YPEL2: variants seen among roughly 807,000 people sequenced by gnomAD.
YPEL2 encodes yippee like 2, also known as protein yippee-like 2.
YPEL2 carries 2 observed loss-of-function variants against 19.1 expected under a neutral mutation model. The observed-to-expected ratio is 0.10, with a 90% CI of 0.04 to 0.33. The LOEUF (loss-of-function observed/expected upper bound fraction) is 0.33. Ranked by LOEUF, YPEL2 falls within the 10% of genes least tolerant of loss-of-function variation. YPEL2 has a pLI of 1.00. For synonymous variants in YPEL2, 52 were observed against 50.0 expected (o/e 1.04, Z -0.17); for missense variants, 66 against 140.7 (o/e 0.47, Z 2.68).
chr17:59,350,591 T>C (rs2047782882), intron 1 of YPEL2, among the ~76,000 whole-genome samples: 1 of 152,240 alleles, frequency 6.6e-6, no homozygotes, highest in South Asian at 2.1e-4. Flanking sequence ...TGCATGTGTG[T>C]GTTTGTATGT....
intron 4 of YPEL2, among the ~76,000 whole-genome samples, chr17:59,391,551 G>A (rs1332722347): frequency 1.3e-5 from 2 of 151,968 alleles, no homozygotes; most frequent in Non-Finnish European, 2.9e-5. Context: ...GAGCCTGGTA[G>A]CACTGCCTTT....
At chr17:59,379,682 C>T (rs552819266) in intron 2 of YPEL2, among the ~76,000 whole-genome samples, 3 of 152,186 alleles carry the variant, frequency 2.0e-5, no homozygotes, top group Admixed American at 6.5e-5. Flanking sequence ...GTGATAGTTG[C>T]GTGACCTTGT....
intron 1 of YPEL2, among the ~76,000 whole-genome samples, chr17:59,332,099 G>A (rs184548535): frequency 6.6e-6 from 1 of 152,068 alleles, no homozygotes; most frequent in Non-Finnish European, 1.5e-5. Context: ...CGGCCGGGGC[G>A]GGAGACGCGC....
intron 1 of YPEL2, among the ~76,000 whole-genome samples, chr17:59,334,450 TC>T (rs2047688891): frequency 6.6e-6 from 1 of 151,710 alleles, no homozygotes. Flanking sequence ...AGGCACAAGT[TC>T]CCATACCTCC....
chr17:59,398,425 G>A lies in YPEL2; in HGVS notation c.*1235G>A, dbSNP rs1339656707. On this transcript the variant is annotated 3_prime_UTR_variant, in exon 5 of 5. Coordinates refer to ENST00000312655, the MANE Select transcript of YPEL2 (RefSeq NM_001005404.4). ...TGGTAGATTCCTCATGCCCCTAATT[G>A]TCCCACTTAGGCCTGAATGTCTTGC... 3 of 152,104 alleles carry A rather than the reference G, an allele frequency of 2.0e-5. No homozygotes were observed. The highest frequency in any genetic ancestry group is 4.4e-5 in the Non-Finnish European group (3 of 68,034). 9.4% of individuals were successfully genotyped at this position (152,104 alleles called of 1,614,324 possible).
chr17:59,351,202 C>CT (rs2047785790), intron 1 of YPEL2, among the ~76,000 whole-genome samples: 1 of 152,200 alleles, frequency 6.6e-6, no homozygotes, highest in Non-Finnish European at 1.5e-5. Flanking sequence ...TGGTGAAACC[C>CT]TGTCTCTACT....
intron 1 of YPEL2, among the ~76,000 whole-genome samples, chr17:59,339,927 G>T (rs762328236): frequency 3.9e-5 from 6 of 152,100 alleles, no homozygotes; most frequent in Non-Finnish European, 8.8e-5. Context: ...CTCCCAAACT[G>T]CCCCCACTTC....
chr17:59,383,467 G>A (rs1465761147), intron 2 of YPEL2, among the ~76,000 whole-genome samples: 2 of 148,534 alleles, frequency 1.3e-5, no homozygotes, highest in Non-Finnish European at 3.0e-5. Flanking sequence ...GCGTGGTGGT[G>A]GGTGCCTGTA....
At chr17:59,336,735 A>G (rs917001588) in intron 1 of YPEL2, among the ~76,000 whole-genome samples, 3 of 152,106 alleles carry the variant, frequency 2.0e-5, no homozygotes, top group African/African-American at 7.2e-5. Flanking sequence ...TCCATTCTCA[A>G]TCCATTGATT....
At position 59,388,205 on chromosome 17, in the gene YPEL2, C is replaced by T. The variant is rs2047990594; in HGVS notation, c.118-122C>T. 6.4e-6 allele frequency: 6 copies of T among 938,576 alleles called. No homozygotes were observed. In the African/African-American group the frequency reaches 8.1e-5, roughly 13 times the overall value. 58.1% of individuals were successfully genotyped at this position (938,576 alleles called of 1,614,324 possible). ...ATCTGCCAGCGGGACCGTTAACTGG[C>T]TCAGTACTCCCTTTTGCTGTGTCAG... is the stretch of plus-strand genomic sequence containing the variant. On this transcript the variant is annotated intron_variant, in intron 2 of 4. Transcript: ENST00000312655.
At chr17:59,383,369 C>T (rs775817260) in intron 2 of YPEL2, among the ~76,000 whole-genome samples, 3 of 150,554 alleles carry the variant, frequency 2.0e-5, no homozygotes, top group African/African-American at 4.9e-5. Flanking sequence ...GAGGCCAAGG[C>T]GGGTGGATCA....
At chr17:59,372,767 C>G (rs945049863) in intron 2 of YPEL2, among the ~76,000 whole-genome samples, 4 of 152,250 alleles carry the variant, frequency 2.6e-5, no homozygotes, top group Non-Finnish European at 5.9e-5. Context: ...TGTCCCCATC[C>G]ACTGTTGCCT....
At chr17:59,391,517 T>TA (rs111605663) in intron 4 of YPEL2, among the ~76,000 whole-genome samples, 141 of 147,504 alleles carry the variant, frequency 9.6e-4, no homozygotes, top group Admixed American at 3.6e-3. Flanking sequence ...TGGAAATCAT[T>TA]AAAAAAAAAA....
chr17:59,333,965 C>T (rs1449421580), intron 1 of YPEL2, among the ~76,000 whole-genome samples: 1 of 152,206 alleles, frequency 6.6e-6, no homozygotes, highest in Admixed American at 6.5e-5. Flanking sequence ...ACCCCATACT[C>T]TGCAATCCCA....
Position 59,389,417 on chromosome 17 carries a change from A to G in YPEL2, c.219A>G (p.Ala73=). 6.2e-7 allele frequency: 1 copy of G among 1,614,158 alleles called. No individual in the cohort carries two copies. Among genetic ancestry groups the G allele is most frequent in the South Asian group, 1.1e-5 (1 of 91,080 alleles). The change falls in exon 4 of 5, where the codon GCA becomes GCG. Residue 73 remains alanine (A), a synonymous_variant. Transcript: ENST00000312655. ...GAGTGTTGCTAACAGGACTGCATGC[A>G]GTCGCAGACATTTACTGTGAAAACT... ...EERVLLTGLH[A]VADIYCENCK...
At chr17:59,350,192 T>C (rs1413828861) in intron 1 of YPEL2, among the ~76,000 whole-genome samples, 2 of 152,044 alleles carry the variant, frequency 1.3e-5, no homozygotes, top group African/African-American at 4.8e-5. Flanking sequence ...GGCCTCAGCC[T>C]CTCAAGTAGC....
At position 59,397,370 on chromosome 17, in the gene YPEL2, T is replaced by TCTCTTTGC; in HGVS notation, c.*181_*188dup. 1 of 454,810 alleles carries TCTCTTTGC rather than the reference T, an allele frequency of 2.2e-6. No individual in the cohort carries two copies. Among genetic ancestry groups the TCTCTTTGC allele is most frequent in the Non-Finnish European group, 4.0e-6 (1 of 252,192 alleles). The allele number at this position is 454,810 out of a possible 1,614,324, so 28.2% of individuals were successfully genotyped here. ...CGGCCTCTAAATCGCTGTCTCTCTG[T>TCTCTTTGC]CTCTTTGCTTTGTATCTGTTTGTGA... On this transcript the variant is annotated 3_prime_UTR_variant, in exon 5 of 5. Coordinates refer to ENST00000312655, the MANE Select transcript of YPEL2 (RefSeq NM_001005404.4).
At chr17:59,341,654 G>A (rs2047731681) in intron 1 of YPEL2, among the ~76,000 whole-genome samples, 2 of 151,878 alleles carry the variant, frequency 1.3e-5, no homozygotes. Flanking sequence ...GCGAAACAAC[G>A]TCTCAGGAAA....
At chr17:59,359,923 G>A (rs910816306) in intron 2 of YPEL2, among the ~76,000 whole-genome samples, 6 of 152,224 alleles carry the variant, frequency 3.9e-5, no homozygotes, top group South Asian at 4.1e-4. Context: ...TTTTTGAGAC[G>A]GAGTCTCACT....
Sources: allele counts gnomAD v4.1 joint callset (sites outside exome capture counted in the v4.1 genomes callset), GRCh38; gene constraint gnomAD v4.1.1; transcripts MANE v1.5; gene names NCBI Gene and HGNC (gene_info 2026-07-23, HGNC 2026-07-21).